Variants in ZNF738 observed in about 807,000 individuals in gnomAD.
The protein encoded by ZNF738 is protein ZNF738.
In ZNF738, 10 loss-of-function variants were observed where a neutral mutation model predicts 9.2. The ratio of observed to expected loss-of-function variants is 1.09; its 90% CI spans 0.67 to 1.85. The LOEUF (loss-of-function observed/expected upper bound fraction) is 1.85. Among genes scored for constraint, ZNF738 ranks in the 40% most tolerant of loss-of-function variants. The probability of loss-of-function intolerance (pLI) is 0.00; values close to 1 mark genes in which losing one functional copy is unlikely to be tolerated. For synonymous variants in ZNF738, 113 were observed against 94.5 expected (o/e 1.20, Z -1.14); for missense variants, 346 against 283.6 (o/e 1.22, Z -1.58).
intron 2 of ZNF738, among the ~76,000 whole-genome samples, chr19:21,367,715 A>T (rs1452145219): frequency 2.0e-5 from 3 of 152,040 alleles, no homozygotes; most frequent in South Asian, 2.1e-4. Flanking sequence ...AGGAAAGGAG[A>T]TCTAATGACA....
At chr19:21,376,176 T>C in intron 4 of ZNF738, 1 of 370,990 alleles carries the variant, frequency 2.7e-6, no homozygotes, top group South Asian at 4.1e-5. Context: ...TTAAATTCTC[T>C]AAGGATTCTA....
Position 21,384,244 on chromosome 19 carries a change from C to A in ZNF738, c.*570C>A, listed in dbSNP as rs1009807171. 6 of 1,422,698 alleles carry A rather than the reference C, an allele frequency of 4.2e-6. No homozygotes were observed. Among genetic ancestry groups the A allele is most frequent in the Non-Finnish European group, 4.9e-6 (5 of 1,012,138 alleles). The allele number at this position is 1,422,698 out of a possible 1,614,324, so 88.1% of individuals were successfully genotyped here. On this transcript the variant is annotated 3_prime_UTR_variant, in exon 5 of 5. Transcript: ENST00000683779. ...AAGAGAATTCATACTGGTGAGAAAC[C>A]CTACAAATGTGAAGAATGTGGCAAA...
chr19:21,375,452 T>A, intron 3 of ZNF738, 88 bp downstream of exon 3: 1 of 591,768 alleles, frequency 1.7e-6, no homozygotes, highest in Non-Finnish European at 3.1e-6. Context: ...TAGTTTATGC[T>A]TTGCATAAAT....
At chr19:21,370,682 T>C (rs1973844268) in intron 2 of ZNF738, among the ~76,000 whole-genome samples, 1 of 152,226 alleles carries the variant, frequency 6.6e-6, no homozygotes, top group South Asian at 2.1e-4. Flanking sequence ...CTTATATTCA[T>C]GTTGCCTCAG....
At chr19:21,379,007 T>C (rs1312232169) in intron 4 of ZNF738, 1 of 152,208 alleles carries the variant, frequency 6.6e-6, no homozygotes, top group African/African-American at 2.4e-5. Flanking sequence ...AGTTTGTTTG[T>C]TCAGCTTCTT....
intron 2 of ZNF738, chr19:21,371,926 T>C (rs1973861989): frequency 6.6e-6 from 1 of 152,208 alleles, no homozygotes; most frequent in Non-Finnish European, 1.5e-5. Flanking sequence ...TTACATAAAC[T>C]CTGGGATTTA....
chr19:21,387,044 C>G lies in ZNF738; in HGVS notation c.*3370C>G, dbSNP rs1332478672. ...CTTAACACACATAAGATAATTCATA[C>G]TGGAAAGAAACTCCACAAACCAGAA... On this transcript the variant is annotated 3_prime_UTR_variant, in exon 5 of 5. Coordinates refer to ENST00000683779, the MANE Select transcript of ZNF738 (RefSeq NM_001355237.2). 1 of 152,304 alleles carries G rather than the reference C, an allele frequency of 6.6e-6. No homozygotes were observed. Among genetic ancestry groups the G allele is most frequent in the Non-Finnish European group, 1.5e-5 (1 of 68,012 alleles). The allele number at this position is 152,304 out of a possible 1,614,324, so 9.4% of individuals were successfully genotyped here.
intron 2 of ZNF738, among the ~76,000 whole-genome samples, chr19:21,373,777 CTTTT>C (rs34606176): frequency 1.5e-5 from 2 of 130,888 alleles, no homozygotes; most frequent in African/African-American, 2.8e-5. Context: ...GGAAAAATGG[CTTTT>C]TTTTTTTTTT....
At chr19:21,373,761 A>G (rs1846714) in intron 2 of ZNF738, among the ~76,000 whole-genome samples, 2,276 of 147,988 alleles carry the variant, frequency 0.015, 68 homozygotes, top group African/African-American at 0.05. Flanking sequence ...CAAAGAAGAC[A>G]AAAGAGGAAA....
chr19:21,376,396 A>G (rs559673504), intron 4 of ZNF738: 75 of 153,398 alleles, frequency 4.9e-4, no homozygotes, highest in African/African-American at 1.5e-3. Context: ...TCACTGTTCT[A>G]TTGGTTTTTA....
intron 4 of ZNF738, chr19:21,378,717 A>T: frequency 8.7e-6 from 3 of 344,574 alleles, no homozygotes. Flanking sequence ...CTCCTACCTC[A>T]GCCTCCCGAG....
chr19:21,375,310 C>T lies in ZNF738; in HGVS notation c.169C>T (p.Gln57Ter). ...GTGGCAATGCCTGGACACTGCTCAG[C>T]AAGATTTGTATAGGAAAGTGATGTT... ...EEWQCLDTAQ[Q>*]DLYRKVMLEN... Residue 57 changes from glutamine to a stop codon, truncating the protein, a stop_gained, in exon 3 of 5, where the codon CAA becomes TAA. Transcript: ENST00000683779. LOFTEE classifies it high-confidence loss of function. The T allele has an allele frequency of 9.0e-7, 1 of 1,108,076 alleles. No individual in the cohort carries two copies. Among genetic ancestry groups the T allele is most frequent in the Non-Finnish European group, 1.4e-6 (1 of 720,470 alleles). 68.6% of individuals were successfully genotyped at this position (1,108,076 alleles called of 1,614,324 possible).
intron 4 of ZNF738, chr19:21,382,040 C>A: frequency 6.1e-6 from 1 of 164,698 alleles, no homozygotes; most frequent in Non-Finnish European, 1.3e-5. Flanking sequence ...AAAATGTTGG[C>A]AATTTACTTC....
At chr19:21,360,299 G>A (rs572719602) in intron 1 of ZNF738, among the ~76,000 whole-genome samples, 7 of 152,178 alleles carry the variant, frequency 4.6e-5, no homozygotes, top group African/African-American at 1.7e-4. Context: ...TTTCACCTGG[G>A]TCCCAATCAG....
rs1441788187 is a variant in ZNF738 at position 21,369,643 on chromosome 19, T to C, written c.97-5595T>C. Among the ~76,000 whole-genome samples the C allele has an allele frequency of 3.3e-5, 5 of 152,280 alleles. No individual in the cohort carries two copies. The East Asian group carries it at 9.6e-4, about 29-fold the overall frequency. ...CCATTTATTAAATACAGAATTCTTT[T>C]CATATTCCTGTCAGGTTTGTCAAAG... On this transcript the variant is annotated intron_variant, in intron 2 of 4. Transcript: ENST00000683779.
In ZNF738 at chr19:21,385,439, G is replaced by A. The variant is rs1057074285; in HGVS notation, c.*1765G>A. On this transcript the variant is annotated 3_prime_UTR_variant, in exon 5 of 5. Coordinates refer to ENST00000683779, the MANE Select transcript of ZNF738 (RefSeq NM_001355237.2). ...CCACTGCACTCCAGCCTGGATGACAGAGAGAGACTCTATCTCCAAAAAAAT... is the reference window on the plus strand; with the variant it reads ...CCACTGCACTCCAGCCTGGATGACAAAGAGAGACTCTATCTCCAAAAAAAT... Among the ~76,000 whole-genome samples the A allele has an allele frequency of 2.0e-5, 3 of 151,660 alleles. No individual in the cohort carries two copies. The highest frequency in any genetic ancestry group is 4.4e-5 in the Non-Finnish European group (3 of 67,954).
Position 21,386,562 on chromosome 19 carries a change from A to G in ZNF738, c.*2888A>G. On this transcript the variant is annotated 3_prime_UTR_variant, in exon 5 of 5. Transcript: ENST00000683779. ...CCTACAAACCTTTTTGAACAAAATA[A>G]TTCATACAGGAGAGAAACACTACAA... 2.8e-6 allele frequency: 1 copy of G among 355,690 alleles called. No individual in the cohort carries two copies. The highest frequency in any genetic ancestry group is 5.8e-6 in the Non-Finnish European group (1 of 173,742). The allele number at this position is 355,690 out of a possible 1,614,324, so 22.0% of individuals were successfully genotyped here.
At chr19:21,370,189 A>T (rs564211288) in intron 2 of ZNF738, among the ~76,000 whole-genome samples, 3 of 152,304 alleles carry the variant, frequency 2.0e-5, no homozygotes, top group East Asian at 1.9e-4. Flanking sequence ...GATGAGTAAC[A>T]TTTATTAATT....
At chr19:21,381,180 G>A (rs1973998551) in intron 4 of ZNF738, 3 of 1,228,838 alleles carry the variant, frequency 2.4e-6, no homozygotes, top group Non-Finnish European at 3.5e-6. Flanking sequence ...AGGCTTCCAG[G>A]AGTTTTCTTG....
Sources: allele counts gnomAD v4.1 joint callset (sites outside exome capture counted in the v4.1 genomes callset), GRCh38; gene constraint gnomAD v4.1.1; transcripts MANE v1.5; gene names NCBI Gene and HGNC (gene_info 2026-07-23, HGNC 2026-07-21).